Variants in MTSS2 observed in about 807,000 individuals in gnomAD.
MTSS2 encodes the protein protein MTSS 2.
Under a neutral mutation model 67.1 loss-of-function variants are expected in MTSS2, and 27 were observed. The observed-to-expected ratio is 0.40, with a 90% CI of 0.30 to 0.55. MTSS2 has a LOEUF of 0.55. Ranked by LOEUF, MTSS2 falls within the 20% of genes least tolerant of loss-of-function variation. MTSS2 has a pLI of 0.43. For synonymous variants in MTSS2, 624 were observed against 468.6 expected (o/e 1.33, Z -4.28); for missense variants, 1,171 against 1,067.8 (o/e 1.10, Z -1.35).
chr16:70,670,232 C>A (rs2052882293), intron 11 of MTSS2, among the ~76,000 whole-genome samples: 1 of 152,164 alleles, frequency 6.6e-6, no homozygotes, highest in Non-Finnish European at 1.5e-5. Flanking sequence ...AATTGCACCA[C>A]TGCACTCCAG....
chr16:70,664,217 G>A lies in MTSS2; in HGVS notation c.1704C>T (p.Pro568=). The A allele has an allele frequency of 1.3e-6, 2 of 1,587,012 alleles. No homozygotes were observed. The highest frequency in any genetic ancestry group is 8.5e-7 in the Non-Finnish European group (1 of 1,171,348). The change falls in exon 15 of 15, where the codon CCC becomes CCT. Residue 568 remains proline, a synonymous_variant. Transcript: ENST00000338779. ...PPGVATIRRT[P]STKPTVRRAL... ...CGCGGCGCACGGTGGGCTTGGTGGA[G>A]GGTGTGCGGCGGATGGTGGCCACGC... is the stretch of plus-strand genomic sequence containing the variant.
At chr16:70,680,696 G>T in intron 3 of MTSS2, 98 bp downstream of exon 3, 4 of 1,080,040 alleles carry the variant, frequency 3.7e-6, no homozygotes, top group Non-Finnish European at 4.1e-6. Flanking sequence ...TTCTGGGCTT[G>T]GCGTCCCGTC....
chr16:70,683,954 G>A (rs1356591384), intron 1 of MTSS2, among the ~76,000 whole-genome samples: 1 of 152,232 alleles, frequency 6.6e-6, no homozygotes, highest in Non-Finnish European at 1.5e-5. Flanking sequence ...ATCATCCCAG[G>A]TGAAGCCTCT....
In MTSS2 at chr16:70,680,843, G is replaced by A; in HGVS notation, c.156C>T (p.Ala52=). Residue 52 remains alanine (A), a synonymous_variant, in exon 3 of 15, where the codon GCC becomes GCT. Coordinates refer to ENST00000338779, the MANE Select transcript of MTSS2 (RefSeq NM_138383.3). ...QLRTTVLAAV[A]FLDAFQKVAD... ...CCACTTTCTGGAAGGCATCCAGGAA[G>A]GCCACAGCAGCCAGCACGGTGGTCC... The A allele has an allele frequency of 6.6e-7, 1 of 1,511,426 alleles. No homozygotes were observed. The highest frequency in any genetic ancestry group is 8.9e-7 in the Non-Finnish European group (1 of 1,122,158). The allele number at this position is 1,511,426 out of a possible 1,614,324, so 93.6% of individuals were successfully genotyped here.
intron 8 of MTSS2, 45 bp from the exon 9 acceptor site, chr16:70,677,944 G>T (rs1181705801): frequency 7.1e-7 from 1 of 1,417,618 alleles, no homozygotes; most frequent in Non-Finnish European, 9.6e-7. Flanking sequence ...TCGCCCACCT[G>T]CCCGCCTGCC....
intron 10 of MTSS2, among the ~76,000 whole-genome samples, chr16:70,675,651 C>T (rs1567499382): frequency 2.6e-5 from 4 of 152,162 alleles, no homozygotes; most frequent in Non-Finnish European, 4.4e-5. Flanking sequence ...CTCCTGACCT[C>T]GTGATCCGCC....
intron 11 of MTSS2, 61 bp from the exon 12 acceptor site, chr16:70,665,601 G>A: frequency 1.4e-6 from 2 of 1,442,214 alleles, no homozygotes; most frequent in South Asian, 1.3e-5. Context: ...GCAAGGAGGA[G>A]AGGAGAGAAC....
intron 10 of MTSS2, among the ~76,000 whole-genome samples, chr16:70,675,653 T>G (rs369912598): frequency 6.6e-6 from 1 of 152,362 alleles, no homozygotes; most frequent in African/African-American, 2.4e-5. Context: ...CCTGACCTCG[T>G]GATCCGCCTG....
chr16:70,666,311 A>C (rs11639579), intron 11 of MTSS2, among the ~76,000 whole-genome samples: 59,555 of 152,028 alleles, frequency 0.39, 14,256 homozygotes, highest in Non-Finnish European at 0.54. Context: ...GGCTGTTTTA[A>C]AGTGGACTGA....
Position 70,679,339 on chromosome 16 carries a change from GGGA to G in MTSS2, c.458-19_458-17del, listed in dbSNP as rs1396358308. On this transcript the variant is annotated splice_polypyrimidine_tract_variant and intron_variant, in intron 6 of 14. Transcript: ENST00000338779. ...CCAAGTAGCTCTACAGGAAGGATGT[GGGA>G]GGAGAGGAGGAGAGACAGAGAAAGA... 1 of 1,613,784 alleles carries G rather than the reference GGGA, an allele frequency of 6.2e-7. No homozygotes were observed.
chr16:70,665,111 T>G lies in MTSS2; in HGVS notation c.1129-15A>C. On this transcript the variant is annotated splice_polypyrimidine_tract_variant and intron_variant, in intron 12 of 14. Transcript: ENST00000338779. ...TTGGACCAGTCCTGCAGGGAGGGTG[T>G]GGCAGGTCAGGGGGACCACTGGCCC... The G allele has an allele frequency of 6.3e-7, 1 of 1,584,758 alleles. No homozygotes were observed. The highest frequency in any genetic ancestry group is 8.5e-7 in the Non-Finnish European group (1 of 1,172,610).
intron 10 of MTSS2, among the ~76,000 whole-genome samples, chr16:70,676,449 T>C: frequency 6.6e-6 from 1 of 152,228 alleles, no homozygotes; most frequent in East Asian, 1.9e-4. Context: ...CATCTCTCCC[T>C]GATCTTTGAC....
At chr16:70,664,488 G>A (rs369819552) in intron 14 of MTSS2, 39 bp from the exon 15 acceptor site, 139 of 1,543,052 alleles carry the variant, frequency 9.0e-5, no homozygotes, top group Non-Finnish European at 1.2e-4. Flanking sequence ...GGGCCCAGGT[G>A]GCCCCTTGCC....
intron 7 of MTSS2, 131 bp from the exon 8 acceptor site, chr16:70,678,540 G>A: frequency 9.4e-7 from 1 of 1,062,372 alleles, no homozygotes; most frequent in South Asian, 1.6e-5. Flanking sequence ...CCAGGGGACT[G>A]CGGAGGGCAG....
At position 70,664,735 on chromosome 16, in the gene MTSS2, C is replaced by T. The variant is rs764339942; in HGVS notation, c.1334G>A (p.Ser445Asn). 41 of 1,612,558 alleles carry T rather than the reference C, an allele frequency of 2.5e-5. No individual in the cohort carries two copies. The highest frequency in any genetic ancestry group is 3.5e-5 in the Non-Finnish European group (41 of 1,179,628). The change falls in exon 14 of 15, where the codon AGT becomes AAT. Residue 445 changes from serine to asparagine, a missense_variant. Physicochemically the swap from Ser to Asn is conservative, Grantham distance 46. This residue lies in a region of MTSS2 where 924 missense variants were observed against 756.0 expected (regional missense o/e 1.22). Transcript: ENST00000338779. ...CCGCGTCAGCACCATGGCCAGGTCACTGGCGGCGGGGGACACCTCCTCACC... is the reference window on the plus strand; with the variant it reads ...CCGCGTCAGCACCATGGCCAGGTCATTGGCGGCGGGGGACACCTCCTCACC... The part of the protein sequence containing the change: ...KHGEEVSPAA[S>N]DLAMVLTRGL...
chr16:70,680,379 G>A (rs1318883955), intron 3 of MTSS2, among the ~76,000 whole-genome samples: 6 of 152,136 alleles, frequency 3.9e-5, no homozygotes, highest in Admixed American at 3.3e-4. Context: ...GTGTGAGCAC[G>A]CCCAGGGCCC....
At position 70,679,805 on chromosome 16, in the gene MTSS2, C is replaced by A. The variant is rs746245701; in HGVS notation, c.363G>T (p.Leu121=). The change falls in exon 5 of 15, where the codon CTG becomes CTT. Residue 121 remains leucine (L), a synonymous_variant. Transcript: ENST00000338779. ...IEDWKKAANQ[L]DKDHAKEYKR... The stretch of plus-strand genomic sequence containing the variant: ...CCTCACCTTTCGCGTGGTCCTTGTC[C>A]AGCTGGTTGGCCGCCTTCTTCCAGT... The A allele has an allele frequency of 6.2e-7, 1 of 1,610,562 alleles. No homozygotes were observed.
Position 70,664,075 on chromosome 16 carries a change from C to A in MTSS2, c.1846G>T (p.Val616Phe), listed in dbSNP as rs149894515. The A allele has an allele frequency of 6.2e-7, 1 of 1,611,578 alleles. No individual in the cohort carries two copies. The highest frequency in any genetic ancestry group is 1.7e-5 in the Admixed American group (1 of 59,890). Residue 616 changes from valine (V) to phenylalanine (F), a missense_variant, in exon 15 of 15, where the codon GTC becomes TTC. Physicochemically the swap from Val to Phe is conservative, Grantham distance 50. Around this residue, in one of 2 missense-constraint regions of MTSS2, gnomAD observed 924 missense variants for 756.0 expected, o/e 1.22. Coordinates refer to ENST00000338779, the MANE Select transcript of MTSS2 (RefSeq NM_138383.3). ...GPTRAGSEECVFYTDETASPL... is the reference protein window; with the variant it reads ...GPTRAGSEECFFYTDETASPL... ...GAGGCGGTCTCGTCGGTATAGAAGA[C>A]GCACTCCTCACTGCCCGCCCGTGTG...
Position 70,680,911 on chromosome 16 carries a change from G to A in MTSS2, c.132-44C>T, listed in dbSNP as rs370944487. On this transcript the variant is annotated intron_variant, in intron 2 of 14. Transcript: ENST00000338779. ...GCATGGATGGTCGGTGGTTGGGCGG[G>A]GGGGGGGCCTCTGCCTGCCCCTCCC... 12 of 1,481,692 alleles carry A rather than the reference G, an allele frequency of 8.1e-6. No individual in the cohort carries two copies. The East Asian group carries it at 1.6e-4, about 20-fold the overall frequency. 91.8% of individuals were successfully genotyped at this position (1,481,692 alleles called of 1,614,324 possible).
Sources: gnomAD v4.1 joint callset for allele counts (sites outside exome capture counted in the v4.1 genomes callset) on GRCh38, gnomAD v4.1.1 for gene constraint, gnomAD v4.1.1 regional missense constraint, MANE v1.5 for transcripts, NCBI Gene and HGNC (gene_info 2026-07-23, HGNC 2026-07-21) for gene names.